Variants in RBFOX1 observed in about 807,000 individuals in gnomAD.
The protein encoded by RBFOX1 is RNA binding fox-1 homolog 1.
A neutral mutation model predicts 57.7 loss-of-function variants in RBFOX1; 8 were observed. The observed-to-expected ratio is 0.14, with a 90% CI of 0.08 to 0.25. The LOEUF is 0.25. Ranked by LOEUF, RBFOX1 falls within the 10% of genes least tolerant of loss-of-function variation. The pLI, the probability that RBFOX1 is intolerant of heterozygous loss-of-function variation, is 1.00. For synonymous variants in RBFOX1, 326 were observed against 222.4 expected, an observed-to-expected ratio of 1.47 and a Z score of -4.15; for missense variants, 611 against 548.5, an observed-to-expected ratio of 1.11 and a Z score of -1.14.
In RBFOX1 at chr16:7,357,507, G is replaced by A. The variant is rs571112407; in HGVS notation, c.28-160640G>A. On this transcript the variant is annotated intron_variant, in intron 4 of 15. Transcript: ENST00000550418. ...CCCTACAACTGTCCTGCTTACTGCTGTTTGAAGAAATGAAATCCAACCACC... is the reference window on the plus strand; with the variant it reads ...CCCTACAACTGTCCTGCTTACTGCTATTTGAAGAAATGAAATCCAACCACC... 1.6e-4 allele frequency among the ~76,000 whole-genome samples: 25 copies of A among 152,220 alleles called. No individual in the cohort carries two copies. The South Asian group carries it at 5.0e-3, about 30-fold the overall frequency.
chr16:7,310,853 C>G (rs1200826992), intron 4 of RBFOX1, among the ~76,000 whole-genome samples: 1 of 152,190 alleles, frequency 6.6e-6, no homozygotes, highest in Non-Finnish European at 1.5e-5. Context: ...CTAGACTCTC[C>G]CAGGGAGCAA....
chr16:6,724,549 C>T (rs538043803), intron 3 of RBFOX1, among the ~76,000 whole-genome samples: 240 of 152,118 alleles, frequency 1.6e-3, no homozygotes, highest in African/African-American at 5.5e-3. Flanking sequence ...CACCAGACAC[C>T]AAATCTACCA....
intron 4 of RBFOX1, among the ~76,000 whole-genome samples, chr16:7,364,575 C>CAAAAAAAAAAAAAAAAA (rs1183081362): frequency 1.9e-5 from 1 of 52,500 alleles, no homozygotes; most frequent in African/African-American, 6.7e-5. Flanking sequence ...TCAAGAAGAC[C>CAAAAAAAAAAAAAAAAA]AAAAAAAAAA....
rs539598666 is a variant in RBFOX1 at position 7,107,230 on chromosome 16, AAC to A, written c.27+55133_27+55134del. Among the ~76,000 whole-genome samples, 8 of 152,240 alleles carry A rather than the reference AAC, an allele frequency of 5.3e-5. No individual in the cohort carries two copies. In the South Asian group the frequency reaches 1.7e-3, roughly 32 times the overall value. ...AAGACTGAGTGGCTGGTGGGTATTA[AAC>A]CTGTGGGAGATCAGCACACTGTGAG... On this transcript the variant is annotated intron_variant, in intron 4 of 15. Transcript: ENST00000550418.
At chr16:6,995,290 T>TTGTG (rs57039390) in intron 3 of RBFOX1, among the ~76,000 whole-genome samples, 19,469 of 138,140 alleles carry the variant, frequency 0.14, 1,476 homozygotes, top group Non-Finnish European at 0.17. Context: ...GAAAGTAGCC[T>TTGTG]TGTGTGTGTG....
intron 3 of RBFOX1, among the ~76,000 whole-genome samples, chr16:5,812,836 C>G (rs1254389737): frequency 6.6e-6 from 1 of 152,094 alleles, no homozygotes; most frequent in Admixed American, 6.5e-5. Context: ...TTGCATTTTC[C>G]TCGTGACTAA....
At chr16:6,534,133 G>T (rs2096703236) in intron 2 of RBFOX1, among the ~76,000 whole-genome samples, 1 of 151,796 alleles carries the variant, frequency 6.6e-6, no homozygotes, top group Non-Finnish European at 1.5e-5. Flanking sequence ...GGCAAAAGAA[G>T]AAAAAAGGGA....
intron 3 of RBFOX1, among the ~76,000 whole-genome samples, chr16:6,931,360 C>CACACACACACAT (rs112897436): frequency 2.0e-5 from 3 of 146,578 alleles, no homozygotes; most frequent in African/African-American, 7.7e-5. Context: ...CACACACACA[C>CACACACACACAT]ACATACATAC....
At chr16:5,774,759 G>A (rs138039654) in intron 3 of RBFOX1, among the ~76,000 whole-genome samples, 13 of 151,986 alleles carry the variant, frequency 8.6e-5, no homozygotes, top group Admixed American at 5.2e-4. Context: ...CTTGGCTCAC[G>A]GCAACTTCCA....
At chr16:5,976,076 G>A (rs966092964) in intron 4 of RBFOX1, among the ~76,000 whole-genome samples, 7 of 152,144 alleles carry the variant, frequency 4.6e-5, no homozygotes, top group Middle Eastern at 3.4e-3. Flanking sequence ...CCTGGGAGGC[G>A]GAGGTTGCAG....
chr16:5,627,134 T>C (rs1160680562), intron 3 of RBFOX1, among the ~76,000 whole-genome samples: 3 of 152,232 alleles, frequency 2.0e-5, no homozygotes, highest in Non-Finnish European at 4.4e-5. Context: ...TAAATTAAGA[T>C]GCTGAAAAAA....
chr16:7,515,376 G>A (rs1304617917), intron 4 of RBFOX1, among the ~76,000 whole-genome samples: 1 of 151,804 alleles, frequency 6.6e-6, no homozygotes, highest in South Asian at 2.1e-4. Context: ...ATACATTCTG[G>A]AGATTTAAGT....
intron 1 of RBFOX1, among the ~76,000 whole-genome samples, chr16:6,093,305 G>C (rs577836999): frequency 1.3e-5 from 2 of 152,206 alleles, no homozygotes; most frequent in South Asian, 4.1e-4. Context: ...CAGGTGCAGT[G>C]GCTCGCACCT....
chr16:7,355,524 A>G (rs1282855963), intron 4 of RBFOX1, among the ~76,000 whole-genome samples: 4 of 152,140 alleles, frequency 2.6e-5, no homozygotes, highest in Admixed American at 6.6e-5. Flanking sequence ...CAAGGACACC[A>G]TGCACGTGTG....
intron 4 of RBFOX1, among the ~76,000 whole-genome samples, chr16:5,950,867 G>A (rs981830750): frequency 1.3e-5 from 2 of 152,056 alleles, no homozygotes; most frequent in Non-Finnish European, 2.9e-5. Context: ...AGGAGAGAGG[G>A]AGCTAGGGGG....
At chr16:6,575,740 C>G (rs1030208261) in intron 2 of RBFOX1, among the ~76,000 whole-genome samples, 6 of 151,422 alleles carry the variant, frequency 4.0e-5, no homozygotes, top group Admixed American at 6.6e-5. Context: ...GCCTGTAATC[C>G]CAGGTACTCG....
chr16:6,314,329 C>T (rs747450240), intron 1 of RBFOX1, among the ~76,000 whole-genome samples: 4 of 152,280 alleles, frequency 2.6e-5, no homozygotes, highest in South Asian at 4.2e-4. Context: ...AATTCACAGC[C>T]TGGGTAGGCC....
intron 4 of RBFOX1, among the ~76,000 whole-genome samples, chr16:7,347,148 T>C (rs1435465295): frequency 6.6e-6 from 1 of 152,120 alleles, no homozygotes; most frequent in Non-Finnish European, 1.5e-5. Context: ...TCTGGACACA[T>C]TTTTTGGTTG....
At chr16:7,113,983 G>C (rs1479685421) in intron 4 of RBFOX1, among the ~76,000 whole-genome samples, 2 of 152,142 alleles carry the variant, frequency 1.3e-5, no homozygotes, top group African/African-American at 4.8e-5. Flanking sequence ...TTTGCATCGT[G>C]AGTGCTTAGT....
Sources: allele counts gnomAD v4.1 joint callset (sites outside exome capture counted in the v4.1 genomes callset), GRCh38; gene constraint gnomAD v4.1.1; transcripts MANE v1.5; gene names NCBI Gene and HGNC (gene_info 2026-07-23, HGNC 2026-07-21).